The following PHF14 variants were observed in gnomAD, a reference collection of about 807,000 sequenced individuals.
PHF14 encodes the protein PHD finger protein 14.
PHF14 carries 55 observed loss-of-function variants against 117.9 expected under a neutral mutation model. That is an observed-to-expected ratio of 0.47 (90% CI 0.38 to 0.58). PHF14 has a LOEUF of 0.58. PHF14 is among the 20% of genes least tolerant of loss of function. The pLI is 0.00. For missense variants in PHF14, 978 were observed against 1,122.2 expected, an observed-to-expected ratio of 0.87 and a Z score of 1.84; for synonymous variants, 409 against 368.6, an observed-to-expected ratio of 1.11 and a Z score of -1.26.
At chr7:11,066,397 C>T (rs56208661) in intron 16 of PHF14, among the ~76,000 whole-genome samples, 2,131 of 152,220 alleles carry the variant, frequency 0.014, 46 homozygotes, top group African/African-American at 0.049. Context: ...GTAGCTGAGA[C>T]TTGATTTTTT....
At chr7:11,010,647 C>A (rs991065085) in intron 4 of PHF14, among the ~76,000 whole-genome samples, 2 of 151,460 alleles carry the variant, frequency 1.3e-5, no homozygotes, top group African/African-American at 4.9e-5. Context: ...TATATATATA[C>A]ACACACACAT....
intron 16 of PHF14, among the ~76,000 whole-genome samples, chr7:11,073,732 C>T (rs553694610): frequency 1.8e-4 from 27 of 152,206 alleles, no homozygotes; most frequent in Non-Finnish European, 3.1e-4. Flanking sequence ...TCTGTGAAGG[C>T]TCTGTCTCTG....
At chr7:11,019,504 T>C (rs1783653643) in intron 5 of PHF14, among the ~76,000 whole-genome samples, 1 of 152,138 alleles carries the variant, frequency 6.6e-6, no homozygotes, top group Non-Finnish European at 1.5e-5. Flanking sequence ...TCCATTTCTT[T>C]TAGATTTTCT....
At chr7:11,049,878 A>T (rs2128326228) in intron 13 of PHF14, among the ~76,000 whole-genome samples, 1 of 152,314 alleles carries the variant, frequency 6.6e-6, no homozygotes, top group Non-Finnish European at 1.5e-5. Context: ...CCTAGGGGAT[A>T]ACCTGCCAGC....
intron 16 of PHF14, among the ~76,000 whole-genome samples, chr7:11,078,476 C>T (rs1238851571): frequency 2.6e-5 from 4 of 152,076 alleles, no homozygotes; most frequent in South Asian, 4.2e-4. Flanking sequence ...AACCTCTCTG[C>T]GAGCCAGTTT....
At position 11,118,346 on chromosome 7, in the gene PHF14, C is replaced by G. The variant is rs558165298; in HGVS notation, c.2772+6879C>G. Among the ~76,000 whole-genome samples the G allele has an allele frequency of 2.0e-5, 3 of 151,956 alleles. No homozygotes were observed. The South Asian group carries it at 6.2e-4, about 31-fold the overall frequency. Reference sequence around the variant, plus strand: ...TTCCAGTTGATCCTCTACTGTAGAACAAGGTCCTCAACTAAGTTCAGGCAG... The same window carrying G: ...TTCCAGTTGATCCTCTACTGTAGAAGAAGGTCCTCAACTAAGTTCAGGCAG... On this transcript the variant is annotated intron_variant, in intron 17 of 17. Coordinates refer to ENST00000634607, the MANE Select transcript of PHF14 (RefSeq NM_001007157.2).
chr7:10,995,532 C>A (rs1325774496), intron 4 of PHF14, among the ~76,000 whole-genome samples: 4 of 152,238 alleles, frequency 2.6e-5, no homozygotes, highest in Non-Finnish European at 5.9e-5. Context: ...AGCTGCCCGC[C>A]AGTCCCATGC....
At chr7:11,112,628 A>G (rs1353510554) in intron 17 of PHF14, among the ~76,000 whole-genome samples, 2 of 152,232 alleles carry the variant, frequency 1.3e-5, no homozygotes, top group South Asian at 2.1e-4. Context: ...AAAATTAGCC[A>G]GACATGGTGG....
At chr7:11,004,882 A>G (rs1173999603) in intron 4 of PHF14, among the ~76,000 whole-genome samples, 1 of 151,934 alleles carries the variant, frequency 6.6e-6, no homozygotes, top group African/African-American at 2.4e-5. Flanking sequence ...CTAAAAATAC[A>G]AAAATTAGCC....
rs113813206 is a variant in PHF14, at chr7:11,155,976, G to A, written c.2773-13440G>A. 8.8e-3 allele frequency among the ~76,000 whole-genome samples: 1,333 copies of A among 152,220 alleles called. 26 individuals carry two copies. Among genetic ancestry groups the A allele is most frequent in the African/African-American group, 0.031 (1,280 of 41,532 alleles). On this transcript the variant is annotated intron_variant, in intron 17 of 17. Transcript: ENST00000634607. ...ATATTGGGAAAAACTTTATACTTATGTAGTAGCTAATAGGTAATAGAAACC... is the reference window on the plus strand; with the variant it reads ...ATATTGGGAAAAACTTTATACTTATATAGTAGCTAATAGGTAATAGAAACC...
intron 6 of PHF14, among the ~76,000 whole-genome samples, chr7:11,023,715 C>T (rs1783814882): frequency 6.6e-6 from 1 of 152,160 alleles, no homozygotes. Context: ...GTAATCCCAG[C>T]CACTCAGGAG....
intron 2 of PHF14, among the ~76,000 whole-genome samples, chr7:10,981,705 G>A (rs778335334): frequency 1.3e-5 from 2 of 152,074 alleles, no homozygotes; most frequent in Admixed American, 6.6e-5. Flanking sequence ...TTATTGATAC[G>A]AACAGTATCC....
intron 11 of PHF14, 149 bp downstream of exon 11, chr7:11,039,004 A>G: frequency 4.7e-6 from 2 of 421,864 alleles, no homozygotes; most frequent in Non-Finnish European, 8.6e-6. Flanking sequence ...TTCTGCTTGA[A>G]ATACACCTAG....
At chr7:11,091,324 G>T (rs1294448230) in intron 16 of PHF14, among the ~76,000 whole-genome samples, 1 of 152,154 alleles carries the variant, frequency 6.6e-6, no homozygotes, top group Non-Finnish European at 1.5e-5. Flanking sequence ...GGAGAGAATG[G>T]TGAGAGTAGA....
intron 14 of PHF14, among the ~76,000 whole-genome samples, chr7:11,055,058 T>A (rs1461273977): frequency 6.6e-6 from 1 of 152,130 alleles, no homozygotes; most frequent in Non-Finnish European, 1.5e-5. Flanking sequence ...GTCCCATTCT[T>A]CTTATGTTTC....
rs571985811 is a variant in PHF14, at chr7:11,143,447, A to G, written c.2773-25969A>G. On this transcript the variant is annotated intron_variant, in intron 17 of 17. Transcript: ENST00000634607. The stretch of plus-strand genomic sequence containing the variant: ...ATTTTTTTTATATTGTTCCTTATCT[A>G]TGATTTATTTAATAAGGAATTAAGT... Among the ~76,000 whole-genome samples the G allele has an allele frequency of 7.2e-5, 11 of 152,078 alleles. 1 individual carries two copies. The highest frequency in any genetic ancestry group is 2.2e-4 in the African/African-American group (9 of 41,508).
chr7:11,018,246 C>T (rs912816255), intron 5 of PHF14, among the ~76,000 whole-genome samples: 6 of 151,870 alleles, frequency 4.0e-5, no homozygotes, highest in Non-Finnish European at 7.4e-5. Context: ...TTTGTGGTTC[C>T]GTATACATTT....
chr7:11,126,280 C>G lies in PHF14; in HGVS notation c.2772+14813C>G, dbSNP rs531205872. Among the ~76,000 whole-genome samples the G allele has an allele frequency of 3.3e-5, 5 of 152,122 alleles. No individual in the cohort carries two copies. In the South Asian group the frequency reaches 8.3e-4, roughly 25 times the overall value. ...CTCAATTTAAAATTTATCCTAGTAT[C>G]CAGTCATTTGCTTAATTATTAATTT... On this transcript the variant is annotated intron_variant, in intron 17 of 17. Transcript: ENST00000634607.
intron 16 of PHF14, among the ~76,000 whole-genome samples, chr7:11,098,281 T>G (rs1786951274): frequency 6.6e-6 from 1 of 152,202 alleles, no homozygotes; most frequent in Non-Finnish European, 1.5e-5. Flanking sequence ...TTAAAACATT[T>G]CTTGATCCAT....
Sources: gnomAD v4.1 joint callset for allele counts (sites outside exome capture counted in the v4.1 genomes callset) on GRCh38, gnomAD v4.1.1 for gene constraint, MANE v1.5 for transcripts, NCBI Gene and HGNC (gene_info 2026-07-23, HGNC 2026-07-21) for gene names.